Variants in LRRC69 observed in about 807,000 individuals in gnomAD.
LRRC69 encodes the protein leucine rich repeat containing 69.
LRRC69 carries 42 observed loss-of-function variants against 37.8 expected under a neutral mutation model. That is an observed-to-expected ratio of 1.11 (90% CI 0.87 to 1.44). The LOEUF is 1.44. LRRC69 is among the 40% of genes most tolerant of loss of function. LRRC69 has a pLI of 0.00. For synonymous variants in LRRC69, 141 were observed against 143.1 expected (o/e 0.99, Z 0.11); for missense variants, 357 against 401.9 (o/e 0.89, Z 0.96).
At chr8:91,197,496 C>T (rs572568027) in intron 6 of LRRC69, among the ~76,000 whole-genome samples, 44 of 152,156 alleles carry the variant, frequency 2.9e-4, no homozygotes, top group South Asian at 1.2e-3. Flanking sequence ...ATCAGCGAGA[C>T]TCCGTGGGCG....
chr8:91,132,226 A>G (rs1813820930), intron 3 of LRRC69, among the ~76,000 whole-genome samples: 1 of 151,920 alleles, frequency 6.6e-6, no homozygotes, highest in African/African-American at 2.4e-5. Flanking sequence ...TAGAATTTTG[A>G]CATTGTTACC....
chr8:91,214,792 G>A (rs1039421925), intron 7 of LRRC69, among the ~76,000 whole-genome samples: 4 of 151,940 alleles, frequency 2.6e-5, no homozygotes, highest in Non-Finnish European at 5.9e-5. Flanking sequence ...CCAAAGCTTG[G>A]TGACTTGACA....
intron 7 of LRRC69, among the ~76,000 whole-genome samples, chr8:91,215,876 A>G (rs1448770005): frequency 6.6e-6 from 1 of 152,210 alleles, no homozygotes; most frequent in Admixed American, 6.6e-5. Context: ...AAATGGACAT[A>G]TGTCGTACCA....
intron 5 of LRRC69, among the ~76,000 whole-genome samples, chr8:91,176,134 A>ATATATATGTATTTTTTTTTTT: frequency 1.3e-5 from 1 of 75,710 alleles, no homozygotes; most frequent in Non-Finnish European, 2.4e-5. Flanking sequence ...ATATATATAT[A>ATATATATGTATTTTTTTTTTT]TTTTTTTTTT....
chr8:91,200,690 A>G lies in LRRC69; in HGVS notation c.831A>G (p.Pro277=), dbSNP rs544491191. Residue 277 remains proline (P), a synonymous_variant, in exon 7 of 8, where the codon CCA becomes CCG. Coordinates refer to ENST00000448384, the Ensembl canonical transcript of LRRC69. The stretch of plus-strand genomic sequence containing the variant: ...TAATGGATGACATAGAACGGTACCC[A>G]CAAGTCAGGAGCATGATCTCTCAGG... 3.3e-6 allele frequency: 5 copies of G among 1,529,282 alleles called. No individual in the cohort carries two copies. In the African/African-American group the frequency reaches 4.2e-5, roughly 13 times the overall value. The allele number at this position is 1,529,282 out of a possible 1,614,324, so 94.7% of individuals were successfully genotyped here.
chr8:91,152,468 T>C (rs1298497931), intron 5 of LRRC69, among the ~76,000 whole-genome samples: 1 of 151,668 alleles, frequency 6.6e-6, no homozygotes, highest in Non-Finnish European at 1.5e-5. Flanking sequence ...GAGATGTCTA[T>C]TCTGTTCCCT....
At chr8:91,196,331 G>T (rs980189993) in intron 6 of LRRC69, among the ~76,000 whole-genome samples, 13 of 151,832 alleles carry the variant, frequency 8.6e-5, no homozygotes, top group Admixed American at 2.0e-4. Flanking sequence ...TCTTGGAGTT[G>T]CTCTTCTCGA....
Position 91,103,889 on chromosome 8 carries a change from CCTCT to C in LRRC69, c.183+1046_183+1049del, listed in dbSNP as rs1392965782. On this transcript the variant is annotated intron_variant, in intron 1 of 7. Coordinates refer to ENST00000448384, the Ensembl canonical transcript of LRRC69. ...GACTGAGTCATGAACCTATTCTCTC[CCTCT>C]ATTTGAATTTATTTCCATTAAAGTA... is the stretch of plus-strand genomic sequence containing the variant. Among the ~76,000 whole-genome samples, 14 of 151,874 alleles carry C rather than the reference CCTCT, an allele frequency of 9.2e-5. No individual in the cohort carries two copies. In the South Asian group the frequency reaches 1.0e-3, roughly 11 times the overall value.
intron 5 of LRRC69, among the ~76,000 whole-genome samples, chr8:91,176,944 A>C (rs1809242602): frequency 6.6e-6 from 1 of 151,952 alleles, no homozygotes; most frequent in Admixed American, 6.5e-5. Flanking sequence ...TAATCATTAC[A>C]GTAAATAAGT....
intron 1 of LRRC69, among the ~76,000 whole-genome samples, chr8:91,122,601 CTG>C (rs1302720389): frequency 6.6e-6 from 1 of 152,040 alleles, no homozygotes; most frequent in Non-Finnish European, 1.5e-5. Flanking sequence ...ATTCATGAAA[CTG>C]TGGCAGGTTC....
At chr8:91,188,950 G>A (rs1027658500) in intron 5 of LRRC69, among the ~76,000 whole-genome samples, 8 of 151,350 alleles carry the variant, frequency 5.3e-5, no homozygotes, top group Non-Finnish European at 8.8e-5. Context: ...TCAGCCTCCC[G>A]AGTAGCTGGG....
At chr8:91,219,071 T>C, downstream of LRRC69, 2 of 682,558 alleles carry the variant, frequency 2.9e-6, no homozygotes, top group Non-Finnish European at 2.4e-6. Context: ...GATTATGCCC[T>C]ACTTAAGATA....
chr8:91,130,204 G>C (rs1813784338), intron 3 of LRRC69: 1 of 151,794 alleles, frequency 6.6e-6, no homozygotes, highest in African/African-American at 2.4e-5. Context: ...GTCTTCTTTT[G>C]CTTAGCATAT....
chr8:91,171,431 G>A (rs1162567420), intron 5 of LRRC69, among the ~76,000 whole-genome samples: 9 of 151,802 alleles, frequency 5.9e-5, no homozygotes, highest in Non-Finnish European at 1.0e-4. Flanking sequence ...ACCCCCTCCT[G>A]CTCCCTGATT....
intron 1 of LRRC69, among the ~76,000 whole-genome samples, chr8:91,117,997 A>G (rs1027530616): frequency 2.0e-5 from 3 of 151,916 alleles, no homozygotes; most frequent in African/African-American, 7.2e-5. Flanking sequence ...AAAATTTGAA[A>G]GATTATGTGA....
At chr8:91,145,643 C>A (rs758628807) in intron 5 of LRRC69, among the ~76,000 whole-genome samples, 3 of 151,742 alleles carry the variant, frequency 2.0e-5, no homozygotes, top group Non-Finnish European at 4.4e-5. Flanking sequence ...GGGAAACAAG[C>A]CAATGCTATT....
chr8:91,106,599 A>G (rs1813317396), intron 1 of LRRC69, among the ~76,000 whole-genome samples: 1 of 152,026 alleles, frequency 6.6e-6, no homozygotes. Context: ...CATTTGTCAA[A>G]GGTCACTCAA....
chr8:91,139,324 G>A (rs1165449064), intron 5 of LRRC69: 3 of 151,758 alleles, frequency 2.0e-5, no homozygotes, highest in Admixed American at 2.0e-4. Context: ...GGTGGATCAC[G>A]AGGTCAGGAG....
chr8:91,140,918 G>GA lies in LRRC69; in HGVS notation c.651+5179_651+5180insA, dbSNP rs1808521021. Among the ~76,000 whole-genome samples the GA allele has an allele frequency of 4.6e-4, 8 of 17,234 alleles. 1 individual carries two copies. The highest frequency in any genetic ancestry group is 9.1e-4 in the African/African-American group (3 of 3,288). The allele number at this position is 17,234 out of a possible 152,430, so 11.3% of individuals were successfully genotyped here. A position where few individuals can be genotyped will look rare whatever the true frequency, so the allele number is the denominator to read the frequency against. ...TCCGCCCGCCTCGGCCTCCCAAAGT[G>GA]CTGGGATTACAGGCGTGAGCCACCG... On this transcript the variant is annotated intron_variant, in intron 5 of 7. Transcript: ENST00000448384.
Sources: allele counts gnomAD v4.1 joint callset (sites outside exome capture counted in the v4.1 genomes callset), GRCh38; gene constraint gnomAD v4.1.1; transcripts MANE v1.5; gene names NCBI Gene and HGNC (gene_info 2026-07-23, HGNC 2026-07-21).